Variants in GRIP1 observed in about 807,000 individuals in gnomAD.
The protein encoded by GRIP1 is glutamate receptor interacting protein 1.
In GRIP1, 45 loss-of-function variants were observed where a neutral mutation model predicts 129.9. The ratio of observed to expected loss-of-function variants is 0.35; its 90% CI spans 0.27 to 0.44. The LOEUF (loss-of-function observed/expected upper bound fraction) is 0.44. Ranked by LOEUF, GRIP1 falls within the 20% of genes least tolerant of loss-of-function variation. The pLI is 1.00. For missense variants in GRIP1, 1,196 were observed against 1,396.8 expected (o/e 0.86, Z 2.29); for synonymous variants, 530 against 520.8 (o/e 1.02, Z -0.24).
At chr12:66,549,089 A>C (rs1173801225) in intron 2 of GRIP1, among the ~76,000 whole-genome samples, 1 of 152,244 alleles carries the variant, frequency 6.6e-6, no homozygotes, top group East Asian at 1.9e-4. Flanking sequence ...TCTGTAAAGT[A>C]AGTCACAAAT....
chr12:66,850,655 T>C (rs956349220), intron 1 of GRIP1, among the ~76,000 whole-genome samples: 1 of 151,962 alleles, frequency 6.6e-6, no homozygotes, highest in African/African-American at 2.4e-5. Flanking sequence ...TCAGATACAC[T>C]CCTACAAGGG....
At chr12:66,529,941 T>C (rs1215759001) in intron 4 of GRIP1, 27 bp from the exon 5 acceptor site, 4 of 1,300,566 alleles carry the variant, frequency 3.1e-6, no homozygotes, top group Non-Finnish European at 2.2e-6. Flanking sequence ...GAGAAGGAAA[T>C]ATAACTTGTA....
intron 1 of GRIP1, among the ~76,000 whole-genome samples, chr12:66,832,647 G>A (rs941095290): frequency 4.6e-5 from 7 of 152,170 alleles, no homozygotes; most frequent in African/African-American, 1.7e-4. Flanking sequence ...ATAGTGAGGT[G>A]TTGAAGAAAA....
intron 7 of GRIP1, among the ~76,000 whole-genome samples, chr12:66,488,256 T>C (rs1220159222): frequency 1.3e-5 from 2 of 151,982 alleles, no homozygotes; most frequent in African/African-American, 4.8e-5. Flanking sequence ...AAATGGAAAA[T>C]AACTGAAATC....
At chr12:67,034,020 G>A (rs1387008725) in intron 1 of GRIP1, among the ~76,000 whole-genome samples, 1 of 152,116 alleles carries the variant, frequency 6.6e-6, no homozygotes, top group Non-Finnish European at 1.5e-5. Context: ...TTATTTAAAG[G>A]CTGTAAAGAA....
intron 1 of GRIP1, among the ~76,000 whole-genome samples, chr12:66,598,202 AT>A (rs1286543887): frequency 6.6e-6 from 1 of 152,222 alleles, no homozygotes; most frequent in East Asian, 1.9e-4. Context: ...TGAGGAACTC[AT>A]TTCCTCTCTA....
At chr12:66,724,629 A>G (rs1264870026) in intron 1 of GRIP1, among the ~76,000 whole-genome samples, 1 of 152,166 alleles carries the variant, frequency 6.6e-6, no homozygotes. Flanking sequence ...CCTTCATCTG[A>G]TGACCATGCA....
chr12:66,764,967 T>C (rs1450613245), intron 1 of GRIP1, among the ~76,000 whole-genome samples: 1 of 152,228 alleles, frequency 6.6e-6, no homozygotes, highest in African/African-American at 2.4e-5. Flanking sequence ...ATCGAATCCT[T>C]ACAAAACTTT....
intron 1 of GRIP1, among the ~76,000 whole-genome samples, chr12:66,955,838 T>C (rs373105397): frequency 1.6e-3 from 247 of 152,288 alleles, no homozygotes; most frequent in African/African-American, 5.3e-3. Flanking sequence ...AAAGGATCAA[T>C]TGGTGAGAAA....
chr12:66,787,842 T>C (rs1026335719), intron 1 of GRIP1, among the ~76,000 whole-genome samples: 5 of 152,102 alleles, frequency 3.3e-5, no homozygotes, highest in African/African-American at 1.2e-4. Context: ...GCAAACTGTA[T>C]GAGTTAGAAC....
At chr12:66,772,299 G>A (rs995018165) in intron 1 of GRIP1, among the ~76,000 whole-genome samples, 1 of 152,238 alleles carries the variant, frequency 6.6e-6, no homozygotes, top group Non-Finnish European at 1.5e-5. Flanking sequence ...GGTGTGTTTA[G>A]ATCTTAAATG....
At chr12:67,015,799 C>T (rs540305721) in intron 1 of GRIP1, among the ~76,000 whole-genome samples, 1 of 152,294 alleles carries the variant, frequency 6.6e-6, no homozygotes, top group East Asian at 1.9e-4. Context: ...CAGCAGAATC[C>T]TCAGCAGCTG....
At chr12:66,805,157 T>A (rs752590072), upstream of GRIP1, among the ~76,000 whole-genome samples, 4 of 152,156 alleles carry the variant, frequency 2.6e-5, no homozygotes, top group Admixed American at 6.6e-5. Flanking sequence ...GTTACATTTT[T>A]AAAAAAACAT....
chr12:66,822,776 T>G (rs905003567), intron 1 of GRIP1, among the ~76,000 whole-genome samples: 1 of 152,092 alleles, frequency 6.6e-6, no homozygotes, highest in Non-Finnish European at 1.5e-5. Context: ...TGTTATGTTC[T>G]CACTTATAAG....
At chr12:66,759,988 G>A (rs1457247835) in intron 1 of GRIP1, among the ~76,000 whole-genome samples, 1 of 151,948 alleles carries the variant, frequency 6.6e-6, no homozygotes, top group Admixed American at 6.6e-5. Flanking sequence ...CAGAGTAGCT[G>A]GGACTAAAGG....
chr12:66,467,263 G>A (rs909505120), intron 7 of GRIP1, among the ~76,000 whole-genome samples: 3 of 152,140 alleles, frequency 2.0e-5, no homozygotes, highest in South Asian at 2.1e-4. Flanking sequence ...CAGATCCTAT[G>A]GTTGATTTGC....
intron 1 of GRIP1, among the ~76,000 whole-genome samples, chr12:66,719,144 C>T (rs2035982966): frequency 6.6e-6 from 1 of 152,066 alleles, no homozygotes; most frequent in Non-Finnish European, 1.5e-5. Flanking sequence ...CGAAACAAAA[C>T]ATTTTGAAAG....
At chr12:66,548,657 A>G (rs78832511) in intron 2 of GRIP1, among the ~76,000 whole-genome samples, 227 of 152,270 alleles carry the variant, frequency 1.5e-3, no homozygotes, top group African/African-American at 4.4e-3. Context: ...TTAGAGACCA[A>G]TTAGGATGTG....
chr12:66,965,806 CT>C (rs2137551652), intron 1 of GRIP1, among the ~76,000 whole-genome samples: 1 of 152,266 alleles, frequency 6.6e-6, no homozygotes, highest in East Asian at 1.9e-4. Flanking sequence ...GACTCATCCT[CT>C]TAATGCATGA....
Sources: gnomAD v4.1 joint callset for allele counts (sites outside exome capture counted in the v4.1 genomes callset) on GRCh38, gnomAD v4.1.1 for gene constraint, MANE v1.5 for transcripts, NCBI Gene and HGNC (gene_info 2026-07-23, HGNC 2026-07-21) for gene names.